The following ARHGEF11 variants were observed in gnomAD, a reference collection of about 807,000 sequenced individuals.
The protein encoded by ARHGEF11 is Rho guanine exchange factor (GEF) 11.
A neutral mutation model predicts 193.7 loss-of-function variants in ARHGEF11; 55 were observed. That is an observed-to-expected ratio of 0.28 (90% CI 0.23 to 0.36). ARHGEF11 has a LOEUF of 0.36. Ranked by LOEUF, ARHGEF11 falls within the 10% of genes least tolerant of loss-of-function variation. ARHGEF11 has a pLI of 1.00. For synonymous variants in ARHGEF11, 693 were observed against 768.0 expected, an observed-to-expected ratio of 0.90 and a Z score of 1.62; for missense variants, 1,723 against 2,005.6, an observed-to-expected ratio of 0.86 and a Z score of 2.69.
intron 1 of ARHGEF11, among the ~76,000 whole-genome samples, chr1:156,997,549 C>T (rs942078657): frequency 6.6e-6 from 1 of 152,098 alleles, no homozygotes; most frequent in South Asian, 2.1e-4. Context: ...GACAGCGATG[C>T]GTGGAATGCA....
chr1:157,038,029 CAAAAAAAA>C (rs145416871), intron 1 of ARHGEF11, among the ~76,000 whole-genome samples: 2 of 45,502 alleles, frequency 4.4e-5, no homozygotes, highest in Non-Finnish European at 7.4e-5. Context: ...AAGACTGTCT[CAAAAAAAA>C]AAAAAAAAAA....
chr1:156,965,252 G>GGA (rs1661529376), intron 11 of ARHGEF11, among the ~76,000 whole-genome samples: 1 of 152,140 alleles, frequency 6.6e-6, no homozygotes, highest in African/African-American at 2.4e-5. Flanking sequence ...GCCACCTGAA[G>GGA]GAAAGCCTTT....
At chr1:156,996,220 C>T (rs1430585222) in intron 1 of ARHGEF11, among the ~76,000 whole-genome samples, 1 of 152,180 alleles carries the variant, frequency 6.6e-6, no homozygotes, top group Non-Finnish European at 1.5e-5. Flanking sequence ...CCCCAGATTG[C>T]TACAACTGAA....
intron 1 of ARHGEF11, among the ~76,000 whole-genome samples, chr1:157,033,020 C>G (rs1474439042): frequency 6.6e-6 from 1 of 152,026 alleles, no homozygotes; most frequent in Non-Finnish European, 1.5e-5. Flanking sequence ...GCCCTTTGCT[C>G]TCTCTACACC....
rs528624040 is a variant in ARHGEF11, at chr1:156,944,927, C to T, written c.2991+92G>A. On this transcript the variant is annotated intron_variant, in intron 30 of 40. Coordinates refer to ENST00000368194, the MANE Select transcript of ARHGEF11 (RefSeq NM_198236.3). The stretch of plus-strand genomic sequence containing the variant: ...CACCCTATCTGGTCTCTGTCTCCTA[C>T]CTCTAAGACTCTCCAAGCCCTGACC... The T allele has an allele frequency of 5.8e-4, 856 of 1,487,942 alleles. 6 individuals carry two copies. The African/African-American group carries it at 0.011, about 20-fold the overall frequency. 92.2% of individuals were successfully genotyped at this position (1,487,942 alleles called of 1,614,324 possible).
intron 1 of ARHGEF11, among the ~76,000 whole-genome samples, chr1:157,007,095 C>G (rs538566577): frequency 2.3e-3 from 349 of 152,160 alleles, no homozygotes; most frequent in Non-Finnish European, 3.9e-3. Context: ...CACCTGTTCT[C>G]CACATACATT....
Position 156,937,343 on chromosome 1 carries a change from C to T in ARHGEF11, c.4346G>A (p.Arg1449His), listed in dbSNP as rs753218306. The T allele has an allele frequency of 9.9e-6, 16 of 1,612,860 alleles. No homozygotes were observed. Among genetic ancestry groups the T allele is most frequent in the Admixed American group, 1.7e-5 (1 of 59,838 alleles). ...QLQGGNDDPR[R>H]PSRSPPSLAL... The stretch of plus-strand genomic sequence containing the variant: ...CAGGCTTGGAGGAGAGCGGCTGGGG[C>T]GTCTTGGATCATCGTTGCCTCCCTG... The change falls in exon 39 of 41, where the codon CGC becomes CAC. Residue 1449 changes from arginine (R) to histidine (H), a missense_variant. Arg to His is a conservative substitution (Grantham distance 29). Transcript: ENST00000368194.
rs145156903 is a variant in ARHGEF11 at position 156,944,878 on chromosome 1, G to A, written c.2991+141C>T. 131 of 1,137,010 alleles carry A rather than the reference G, an allele frequency of 1.2e-4. 2 individuals are homozygous for A. The African/African-American group carries it at 1.5e-3, about 13-fold the overall frequency. The allele number at this position is 1,137,010 out of a possible 1,614,324, so 70.4% of individuals were successfully genotyped here. Reference sequence around the variant, plus strand: ...GGACAGGGTGACAATAGCAGGGTGTGTGTCTTCTGGGGCTCCATTGTGCCA... The same window carrying A: ...GGACAGGGTGACAATAGCAGGGTGTATGTCTTCTGGGGCTCCATTGTGCCA... On this transcript the variant is annotated intron_variant, in intron 30 of 40. Transcript: ENST00000368194.
At chr1:157,021,735 T>C (rs1057378657) in intron 1 of ARHGEF11, among the ~76,000 whole-genome samples, 1 of 152,240 alleles carries the variant, frequency 6.6e-6, no homozygotes, top group Non-Finnish European at 1.5e-5. Context: ...AGTTTCTTCA[T>C]ATGGACCCTA....
intron 28 of ARHGEF11, 62 bp downstream of exon 28, chr1:156,946,600 C>T: frequency 6.2e-7 from 1 of 1,610,544 alleles, no homozygotes; most frequent in African/African-American, 1.3e-5. Flanking sequence ...GAGAGAAGTT[C>T]AGGAGATCCT....
rs886378339 is a variant in ARHGEF11 at position 156,943,857 on chromosome 1, G to A, written c.3235+78C>T. ...ACAGGTAGGTCCTGTAAAGGCTCCA[G>A]ACTGGCCCTGCCTCACCCAGCACTT... On this transcript the variant is annotated intron_variant, in intron 32 of 40. Coordinates refer to ENST00000368194, the MANE Select transcript of ARHGEF11 (RefSeq NM_198236.3). The A allele has an allele frequency of 2.7e-5, 41 of 1,520,422 alleles. No individual in the cohort carries two copies. The African/African-American group carries it at 5.5e-4, about 20-fold the overall frequency. 94.2% of individuals were successfully genotyped at this position (1,520,422 alleles called of 1,614,324 possible).
At chr1:157,013,143 A>G (rs1244390299) in intron 1 of ARHGEF11, among the ~76,000 whole-genome samples, 1 of 151,788 alleles carries the variant, frequency 6.6e-6, no homozygotes, top group East Asian at 1.9e-4. Context: ...CCTCTGCCAG[A>G]CCTCTAGCCA....
In ARHGEF11 at chr1:156,936,068, G is replaced by A. The variant is rs1557805196; in HGVS notation, c.4631-10C>T. The stretch of plus-strand genomic sequence containing the variant: ...AGGGGGGCGTCAGAGCCTGTGGGAG[G>A]AGGATGAAGGTGAGGAACTGGCCAG... On this transcript the variant is annotated splice_polypyrimidine_tract_variant and intron_variant, in intron 40 of 40. Transcript: ENST00000368194. The A allele has an allele frequency of 3.1e-6, 5 of 1,613,998 alleles. No homozygotes were observed. Among genetic ancestry groups the A allele is most frequent in the Non-Finnish European group, 4.2e-6 (5 of 1,179,910 alleles).
intron 1 of ARHGEF11, among the ~76,000 whole-genome samples, chr1:157,035,075 G>C (rs1181545137): frequency 6.6e-6 from 1 of 152,124 alleles, no homozygotes; most frequent in Non-Finnish European, 1.5e-5. Flanking sequence ...ATTGAGATGT[G>C]GGCTAAACTG....
At chr1:156,973,781 T>C (rs963066753) in intron 7 of ARHGEF11, among the ~76,000 whole-genome samples, 1 of 152,242 alleles carries the variant, frequency 6.6e-6, no homozygotes, top group African/African-American at 2.4e-5. Flanking sequence ...TAAGTTCTAC[T>C]GATTGGCCCT....
chr1:156,999,457 ATTC>A (rs1192757128), intron 1 of ARHGEF11, among the ~76,000 whole-genome samples: 1 of 151,786 alleles, frequency 6.6e-6, no homozygotes, highest in Non-Finnish European at 1.5e-5. Flanking sequence ...GTCCCTTATA[ATTC>A]TTCTTCAGCG....
intron 34 of ARHGEF11, 27 bp downstream of exon 34, chr1:156,941,837 C>G (rs767284172): frequency 1.9e-6 from 3 of 1,582,298 alleles, no homozygotes; most frequent in East Asian, 4.5e-5. Context: ...GGAGAGAGTG[C>G]AGGGTCTGGA....
chr1:156,963,724 T>A, intron 11 of ARHGEF11, 130 bp from the exon 12 acceptor site: 3 of 1,479,220 alleles, frequency 2.0e-6, no homozygotes, highest in Non-Finnish European at 2.7e-6. Flanking sequence ...CGTTGGCATC[T>A]CACTCCCGCC....
intron 33 of ARHGEF11, among the ~76,000 whole-genome samples, chr1:156,942,428 A>T (rs1170756350): frequency 6.6e-6 from 1 of 152,230 alleles, no homozygotes; most frequent in Non-Finnish European, 1.5e-5. Flanking sequence ...TGAAGGGAGT[A>T]GGGCAGGAAG....
Sources: gnomAD v4.1 joint callset for allele counts (sites outside exome capture counted in the v4.1 genomes callset) on GRCh38, gnomAD v4.1.1 for gene constraint, MANE v1.5 for transcripts, NCBI Gene and HGNC (gene_info 2026-07-23, HGNC 2026-07-21) for gene names.